The following FSTL5 variants were observed in gnomAD, a reference collection of about 807,000 sequenced individuals.
The protein encoded by FSTL5 is follistatin like 5, also known as follistatin-related protein 5.
In FSTL5, 62 loss-of-function variants were observed where a neutral mutation model predicts 89.1. The observed-to-expected ratio is 0.70, with a 90% confidence interval of 0.57 to 0.86. The LOEUF is 0.86. FSTL5 is among the 40% of genes least tolerant of loss of function. The pLI is 0.00. For synonymous variants in FSTL5, 383 were observed against 346.2 expected (o/e 1.11, Z -1.18); for missense variants, 1,057 against 1,001.6 (o/e 1.06, Z -0.75).
intron 8 of FSTL5, among the ~76,000 whole-genome samples, chr4:161,567,117 T>C (rs556798591): frequency 4.8e-4 from 73 of 152,236 alleles, no homozygotes; most frequent in African/African-American, 1.6e-3. Context: ...CTGAAGCTAT[T>C]GTTTTGAACT....
At chr4:161,498,089 T>C (rs1396032195) in intron 12 of FSTL5, among the ~76,000 whole-genome samples, 1 of 151,766 alleles carries the variant, frequency 6.6e-6, no homozygotes, top group Non-Finnish European at 1.5e-5. Flanking sequence ...TATATATACA[T>C]ATACATATAT....
chr4:161,957,445 G>A (rs1735055389), intron 3 of FSTL5, among the ~76,000 whole-genome samples: 1 of 152,074 alleles, frequency 6.6e-6, no homozygotes. Flanking sequence ...CTCCTGGGAA[G>A]TGGGGTGTTG....
intron 1 of FSTL5, among the ~76,000 whole-genome samples, chr4:162,115,378 A>G (rs946535754): frequency 1.3e-5 from 2 of 152,206 alleles, no homozygotes; most frequent in African/African-American, 4.8e-5. Flanking sequence ...TCATCCACAG[A>G]AAGTGTTCTG....
At chr4:161,540,558 T>A (rs1731784087) in intron 9 of FSTL5, among the ~76,000 whole-genome samples, 1 of 152,116 alleles carries the variant, frequency 6.6e-6, no homozygotes, top group Non-Finnish European at 1.5e-5. Flanking sequence ...TCTCCCCTTA[T>A]TTCTTATTGA....
At chr4:162,076,677 T>C (rs1442783285) in intron 2 of FSTL5, among the ~76,000 whole-genome samples, 3 of 151,664 alleles carry the variant, frequency 2.0e-5, no homozygotes, top group African/African-American at 7.3e-5. Flanking sequence ...AGAATACAAA[T>C]ATGAGGGTGG....
intron 15 of FSTL5, among the ~76,000 whole-genome samples, chr4:161,440,806 T>C (rs1732733645): frequency 6.6e-6 from 1 of 152,266 alleles, no homozygotes; most frequent in East Asian, 1.9e-4. Context: ...AGTGCTGAGA[T>C]AAATTACATT....
At chr4:161,672,207 A>T (rs1241520161) in intron 6 of FSTL5, among the ~76,000 whole-genome samples, 1 of 152,098 alleles carries the variant, frequency 6.6e-6, no homozygotes, top group Admixed American at 6.6e-5. Context: ...CCTCTGCCTG[A>T]CTCAACTTCA....
chr4:162,066,985 G>A (rs1738942803), intron 2 of FSTL5, among the ~76,000 whole-genome samples: 1 of 151,990 alleles, frequency 6.6e-6, no homozygotes, highest in Admixed American at 6.6e-5. Flanking sequence ...ATTAGTTCTA[G>A]ATCCTTGAGG....
At chr4:161,985,304 A>C (rs1461214193) in intron 3 of FSTL5, among the ~76,000 whole-genome samples, 1 of 152,180 alleles carries the variant, frequency 6.6e-6, no homozygotes, top group Non-Finnish European at 1.5e-5. Context: ...TCTTCATGAA[A>C]CTTCATAAAA....
At position 161,460,680 on chromosome 4, in the gene FSTL5, C is replaced by T. The variant is rs184576600; in HGVS notation, c.1609-1361G>A. Among the ~76,000 whole-genome samples, 938 of 152,302 alleles carry T rather than the reference C, an allele frequency of 6.2e-3. 6 individuals carry two copies. The highest frequency in any genetic ancestry group is 0.01 in the Non-Finnish European group (711 of 68,028). ...CCCTTCATTTTGCCTATTTAACATT[C>T]TCAGTATTCTTGGATTACTGGAATA... is the stretch of plus-strand genomic sequence containing the variant. On this transcript the variant is annotated intron_variant, in intron 13 of 15. Transcript: ENST00000306100.
chr4:162,147,034 G>A (rs1052150255), intron 1 of FSTL5, among the ~76,000 whole-genome samples: 1 of 151,820 alleles, frequency 6.6e-6, no homozygotes, highest in Non-Finnish European at 1.5e-5. Flanking sequence ...TGCCCCCCTC[G>A]GCCTCCCAAA....
chr4:162,059,490 T>C (rs775012435), intron 2 of FSTL5, among the ~76,000 whole-genome samples: 1 of 152,202 alleles, frequency 6.6e-6, no homozygotes, highest in Middle Eastern at 3.4e-3. Flanking sequence ...CAGAAGAAAA[T>C]TGAAATAAAT....
chr4:161,926,353 G>A (rs1233022417), intron 3 of FSTL5, among the ~76,000 whole-genome samples: 1 of 149,976 alleles, frequency 6.7e-6, no homozygotes, highest in Non-Finnish European at 1.5e-5. Flanking sequence ...ACAATCCATT[G>A]GTTCTGCAAG....
At chr4:161,448,962 G>T (rs778016698) in intron 15 of FSTL5, among the ~76,000 whole-genome samples, 12 of 152,064 alleles carry the variant, frequency 7.9e-5, no homozygotes, top group Non-Finnish European at 1.6e-4. Flanking sequence ...GTGCTGGGGA[G>T]GGTAGGCATG....
intron 15 of FSTL5, among the ~76,000 whole-genome samples, chr4:161,428,987 G>A (rs987777178): frequency 4.6e-5 from 7 of 152,128 alleles, no homozygotes; most frequent in Non-Finnish European, 8.8e-5. Flanking sequence ...GGGCCAGGGA[G>A]GAGCCCACTG....
chr4:161,765,326 C>T (rs1258097802), intron 5 of FSTL5, among the ~76,000 whole-genome samples: 2 of 152,188 alleles, frequency 1.3e-5, no homozygotes, highest in Non-Finnish European at 2.9e-5. Context: ...TCTATCCATA[C>T]AAGTGCTTAT....
At chr4:161,504,242 GTAGA>G (rs1186418007) in intron 11 of FSTL5, among the ~76,000 whole-genome samples, 3 of 151,746 alleles carry the variant, frequency 2.0e-5, no homozygotes, top group African/African-American at 4.8e-5. Context: ...CTAAATATTA[GTAGA>G]TAGAGATACA....
At chr4:162,159,485 G>A (rs941824860) in intron 1 of FSTL5, among the ~76,000 whole-genome samples, 2 of 152,010 alleles carry the variant, frequency 1.3e-5, no homozygotes, top group African/African-American at 4.8e-5. Flanking sequence ...CTTTAGAGAT[G>A]TATGTAATTT....
intron 2 of FSTL5, among the ~76,000 whole-genome samples, chr4:162,034,227 T>A (rs76511338): frequency 0.067 from 10,176 of 152,172 alleles, 459 homozygotes; most frequent in East Asian, 0.19. Flanking sequence ...TAATAAATAA[T>A]CATGCCTCTC....
Sources: allele counts gnomAD v4.1 joint callset (sites outside exome capture counted in the v4.1 genomes callset), GRCh38; gene constraint gnomAD v4.1.1; transcripts MANE v1.5; gene names NCBI Gene and HGNC (gene_info 2026-07-23, HGNC 2026-07-21).